NTRK2: variants seen among roughly 807,000 people sequenced by gnomAD.
The protein encoded by NTRK2 is neurotrophic receptor tyrosine kinase 2.
In NTRK2, 13 loss-of-function variants were observed where a neutral mutation model predicts 94.5. The ratio of observed to expected loss-of-function variants is 0.14; its 90% confidence interval spans 0.09 to 0.22. The LOEUF (loss-of-function observed/expected upper bound fraction) is 0.22, where lower values mean the gene tolerates loss of function less well. Ranked by LOEUF, NTRK2 falls within the 10% of genes least tolerant of loss-of-function variation. The pLI is 1.00. For synonymous variants in NTRK2, 372 were observed against 407.4 expected (o/e 0.91, Z 1.05); for missense variants, 639 against 1,071.2 (o/e 0.60, Z 5.63).
intron 12 of NTRK2, among the ~76,000 whole-genome samples, chr9:84,752,593 C>T (rs1018658698): frequency 1.3e-5 from 2 of 152,042 alleles, no homozygotes; most frequent in African/African-American, 4.8e-5. Flanking sequence ...ATAGAAGCTT[C>T]GTGAATACAT....
chr9:84,781,496 C>G (rs555049886), intron 12 of NTRK2, among the ~76,000 whole-genome samples: 24 of 152,236 alleles, frequency 1.6e-4, no homozygotes, highest in Non-Finnish European at 2.9e-4. Context: ...AAAGACCTAG[C>G]CTTTTTTGCT....
chr9:84,981,632 T>G (rs1827634760), intron 17 of NTRK2, among the ~76,000 whole-genome samples: 1 of 152,180 alleles, frequency 6.6e-6, no homozygotes, highest in African/African-American at 2.4e-5. Flanking sequence ...TCTTCTTAAA[T>G]CAGTTGAAAA....
At chr9:84,839,208 A>G (rs2131757769) in intron 12 of NTRK2, among the ~76,000 whole-genome samples, 1 of 152,306 alleles carries the variant, frequency 6.6e-6, no homozygotes, top group African/African-American at 2.4e-5. Context: ...CTTGTCCAAT[A>G]ATTTCTCATC....
In NTRK2 at chr9:84,769,737, G is replaced by T. The variant is rs2132800326; in HGVS notation, c.1396+17652G>T. On this transcript the variant is annotated intron_variant, in intron 12 of 18. Transcript: ENST00000277120. ...TTAGGGACCAGCACAACGTTCTTCA[G>T]CAGAAAACCACAACAGTAGTGGGTT... is the stretch of plus-strand genomic sequence containing the variant. Among the ~76,000 whole-genome samples the T allele has an allele frequency of 2.0e-5, 3 of 152,304 alleles. No homozygotes were observed. In the South Asian group the frequency reaches 6.2e-4, roughly 32 times the overall value.
chr9:85,003,099 G>A (rs1830503267), intron 17 of NTRK2, among the ~76,000 whole-genome samples: 1 of 152,158 alleles, frequency 6.6e-6, no homozygotes. Flanking sequence ...ATTGTCCTAT[G>A]GTTTTCCTTT....
intron 17 of NTRK2, among the ~76,000 whole-genome samples, chr9:84,991,756 G>A (rs913389697): frequency 1.4e-4 from 22 of 152,178 alleles, no homozygotes; most frequent in African/African-American, 4.3e-4. Context: ...CGGCCAATTA[G>A]TATGCAGGGC....
At chr9:84,959,085 T>C (rs1253400467) in intron 17 of NTRK2, among the ~76,000 whole-genome samples, 1 of 152,196 alleles carries the variant, frequency 6.6e-6, no homozygotes, top group African/African-American at 2.4e-5. Flanking sequence ...GGGTAATGTG[T>C]TCTCCTTATG....
intron 14 of NTRK2, among the ~76,000 whole-genome samples, chr9:84,922,278 G>C (rs181645029): frequency 6.6e-6 from 1 of 152,140 alleles, no homozygotes; most frequent in Admixed American, 6.5e-5. Flanking sequence ...GTCCAACAAC[G>C]TTCTCTTTCC....
intron 17 of NTRK2, among the ~76,000 whole-genome samples, chr9:84,972,117 G>A (rs925916229): frequency 1.3e-5 from 2 of 152,186 alleles, no homozygotes; most frequent in African/African-American, 4.8e-5. Context: ...AGGTGGGAGA[G>A]TTGGGAGAGC....
At chr9:84,784,690 TGCCA>T (rs2067950642) in intron 12 of NTRK2, among the ~76,000 whole-genome samples, 1 of 152,154 alleles carries the variant, frequency 6.6e-6, no homozygotes, top group African/African-American at 2.4e-5. Flanking sequence ...ACATGCAAGG[TGCCA>T]GCTAAGGACT....
At chr9:84,794,559 A>T (rs1421334602) in intron 12 of NTRK2, among the ~76,000 whole-genome samples, 4 of 152,238 alleles carry the variant, frequency 2.6e-5, no homozygotes, top group Non-Finnish European at 5.9e-5. Flanking sequence ...CCAATATGGA[A>T]ATAAAATACA....
chr9:84,942,615 T>C (rs1229223541), intron 15 of NTRK2, among the ~76,000 whole-genome samples: 3 of 152,214 alleles, frequency 2.0e-5, no homozygotes, highest in South Asian at 2.1e-4. Flanking sequence ...TTAGTATGCA[T>C]ATTTAAAATG....
At chr9:84,811,327 G>C in intron 12 of NTRK2, 1 of 1,065,894 alleles carries the variant, frequency 9.4e-7, no homozygotes. Flanking sequence ...AAAAGAAGAA[G>C]AAGAAAAAAA....
chr9:84,972,534 A>G (rs886133029), intron 17 of NTRK2, among the ~76,000 whole-genome samples: 17 of 152,362 alleles, frequency 1.1e-4, no homozygotes, highest in Admixed American at 5.2e-4. Flanking sequence ...AATATGAAAT[A>G]TGCTGTAACC....
intron 4 of NTRK2, among the ~76,000 whole-genome samples, chr9:84,703,254 C>T (rs1420994815): frequency 6.6e-6 from 1 of 152,226 alleles, no homozygotes; most frequent in Admixed American, 6.5e-5. Context: ...ATTCTCTTTG[C>T]AGTGATACCT....
chr9:84,759,048 A>T (rs1259051067), intron 12 of NTRK2, among the ~76,000 whole-genome samples: 2 of 152,216 alleles, frequency 1.3e-5, no homozygotes, highest in Non-Finnish European at 2.9e-5. Context: ...GCACTCTCTT[A>T]AGAGGCAACA....
At chr9:84,673,121 T>C (rs1373110521) in intron 2 of NTRK2, among the ~76,000 whole-genome samples, 1 of 152,194 alleles carries the variant, frequency 6.6e-6, no homozygotes, top group Non-Finnish European at 1.5e-5. Context: ...GTTTCTCTGC[T>C]CTATCTCAGC....
chr9:84,875,501 A>G lies in NTRK2; in HGVS notation c.1633+8070A>G, dbSNP rs1402133748. ...AACTCCAAATGCAGTTTATTGCTCA[A>G]CTGAAGCAGATGATCACTTTTTGCC... On this transcript the variant is annotated intron_variant, in intron 14 of 18. Coordinates refer to ENST00000277120, the MANE Select transcript of NTRK2 (RefSeq NM_006180.6). The G allele has an allele frequency of 3.8e-6, 4 of 1,063,258 alleles. No homozygotes were observed. In the African/African-American group the frequency reaches 4.9e-5, roughly 13 times the overall value. 65.9% of individuals were successfully genotyped at this position (1,063,258 alleles called of 1,614,324 possible). A position where few individuals can be genotyped will look rare whatever the true frequency, so the allele number is the denominator to read the frequency against.
At chr9:84,967,492 T>C (rs965844670) in intron 17 of NTRK2, among the ~76,000 whole-genome samples, 1 of 152,258 alleles carries the variant, frequency 6.6e-6, no homozygotes, top group Non-Finnish European at 1.5e-5. Flanking sequence ...GGCATTTTAT[T>C]AGCAGCTATT....
Sources: gnomAD v4.1 joint callset for allele counts (sites outside exome capture counted in the v4.1 genomes callset) on GRCh38, gnomAD v4.1.1 for gene constraint, MANE v1.5 for transcripts, NCBI Gene and HGNC (gene_info 2026-07-23, HGNC 2026-07-21) for gene names.